Variants in GNB5 observed in about 807,000 individuals in gnomAD.
GNB5 encodes the protein G protein subunit beta 5.
GNB5 carries 37 observed loss-of-function variants against 55.3 expected under a neutral mutation model. That is an observed-to-expected ratio of 0.67 (90% CI 0.51 to 0.88). The LOEUF (loss-of-function observed/expected upper bound fraction) is 0.88, where lower values mean the gene tolerates loss of function less well. Among genes scored for constraint, GNB5 ranks in the 40% least tolerant of loss-of-function variants. The probability of loss-of-function intolerance (pLI) is 0.00; values close to 1 mark genes in which losing one functional copy is unlikely to be tolerated. For synonymous variants in GNB5, 219 were observed against 198.5 expected (o/e 1.10, Z -0.87); for missense variants, 476 against 515.3 (o/e 0.92, Z 0.74).
intron 3 of GNB5, among the ~76,000 whole-genome samples, chr15:52,154,535 C>A (rs1176863887): frequency 1.3e-5 from 2 of 152,136 alleles, no homozygotes; most frequent in African/African-American, 4.8e-5. Flanking sequence ...AACAGTGAAC[C>A]AGGCTGGGGC....
At chr15:52,159,687 G>C (rs10220890) in intron 3 of GNB5, among the ~76,000 whole-genome samples, 1 of 152,070 alleles carries the variant, frequency 6.6e-6, no homozygotes, top group Non-Finnish European at 1.5e-5. Flanking sequence ...AGCTGTGCCA[G>C]ATGCTTGGGT....
intron 10 of GNB5, among the ~76,000 whole-genome samples, chr15:52,126,632 T>C (rs1352899347): frequency 6.6e-6 from 1 of 151,166 alleles, no homozygotes; most frequent in African/African-American, 2.5e-5. Flanking sequence ...TTGTGTTTAA[T>C]TTTTCTTTTT....
intron 3 of GNB5, among the ~76,000 whole-genome samples, chr15:52,156,017 T>G (rs2034200534): frequency 6.6e-6 from 1 of 152,108 alleles, no homozygotes; most frequent in African/African-American, 2.4e-5. Flanking sequence ...GGCTGGCAAG[T>G]GGTGATCTTT....
intron 10 of GNB5, among the ~76,000 whole-genome samples, chr15:52,126,719 T>C (rs1028005361): frequency 6.6e-6 from 1 of 152,064 alleles, no homozygotes; most frequent in Non-Finnish European, 1.5e-5. Flanking sequence ...CTAGGTTTCC[T>C]TAGACTAGGT....
chr15:52,172,599 G>C (rs1050330247), intron 3 of GNB5, among the ~76,000 whole-genome samples: 4 of 152,028 alleles, frequency 2.6e-5, no homozygotes, highest in Non-Finnish European at 4.4e-5. Flanking sequence ...GGGCGACATG[G>C]AGAAACCTCG....
At chr15:52,124,323 T>C (rs1198405001) in intron 12 of GNB5, 150 bp downstream of exon 12, 2 of 617,538 alleles carry the variant, frequency 3.2e-6, no homozygotes, top group African/African-American at 1.8e-5. Flanking sequence ...CCATTCCCTC[T>C]GTGGCTGTGG....
intron 1 of GNB5, among the ~76,000 whole-genome samples, chr15:52,189,312 C>CA (rs2034887492): frequency 6.6e-6 from 1 of 152,196 alleles, no homozygotes; most frequent in Non-Finnish European, 1.5e-5. Context: ...AATGTATGTT[C>CA]ACTGGCTGGG....
At chr15:52,153,295 C>T (rs1396270639) in intron 4 of GNB5, among the ~76,000 whole-genome samples, 1 of 152,192 alleles carries the variant, frequency 6.6e-6, no homozygotes, top group African/African-American at 2.4e-5. Flanking sequence ...ACAGGGCACC[C>T]TGGAAGTGAG....
chr15:52,124,640 C>A lies in GNB5; in HGVS notation c.1010-1G>T. ...TTGTATCCAGCAAACAGCAGGCGACCTTGAAGCAGGGTGAGATGATAGCTG... is the reference window on the plus strand; with the variant it reads ...TTGTATCCAGCAAACAGCAGGCGACATTGAAGCAGGGTGAGATGATAGCTG... On this transcript the variant is annotated splice_acceptor_variant, in intron 11 of 12. Transcript: ENST00000261837. LOFTEE classifies it high-confidence loss of function. 2 of 1,613,272 alleles carry A rather than the reference C, an allele frequency of 1.2e-6. No individual in the cohort carries two copies. Among genetic ancestry groups the A allele is most frequent in the Non-Finnish European group, 1.7e-6 (2 of 1,179,488 alleles).
chr15:52,186,280 A>T (rs1227884920), intron 1 of GNB5, among the ~76,000 whole-genome samples: 1 of 152,188 alleles, frequency 6.6e-6, no homozygotes, highest in African/African-American at 2.4e-5. Context: ...TTTTTAAAAA[A>T]ACTGCTTGTA....
chr15:52,124,722 G>T, intron 11 of GNB5, 83 bp from the exon 12 acceptor site: 1 of 1,221,664 alleles, frequency 8.2e-7, no homozygotes. Flanking sequence ...CACTCATTCA[G>T]TAAGCAGTGA....
At chr15:52,135,852 AACACAC>A (rs57732678) in intron 7 of GNB5, 96 bp from the exon 8 acceptor site, 5,909 of 551,832 alleles carry the variant, frequency 0.011, 11 homozygotes, top group Middle Eastern at 0.017. Flanking sequence ...GGAAAAGCAG[AACACAC>A]ACACACACAC....
chr15:52,154,398 C>T (rs141474136), intron 3 of GNB5, among the ~76,000 whole-genome samples: 3 of 152,282 alleles, frequency 2.0e-5, no homozygotes, highest in African/African-American at 7.2e-5. Flanking sequence ...TAAAATTATT[C>T]CCTTTAAGGG....
chr15:52,134,930 TG>T (rs2033665478), intron 8 of GNB5, among the ~76,000 whole-genome samples: 1 of 152,066 alleles, frequency 6.6e-6, no homozygotes, highest in Admixed American at 6.6e-5. Flanking sequence ...TGTACCATCC[TG>T]GGGAGGGGAA....
At chr15:52,159,491 G>A (rs964590414) in intron 3 of GNB5, among the ~76,000 whole-genome samples, 20 of 152,192 alleles carry the variant, frequency 1.3e-4, no homozygotes, top group Non-Finnish European at 4.4e-5. Flanking sequence ...TCCAGGGAGA[G>A]GACGCTTGCC....
intron 9 of GNB5, among the ~76,000 whole-genome samples, chr15:52,129,756 A>C (rs1263379273): frequency 2.6e-5 from 4 of 152,166 alleles, no homozygotes; most frequent in Non-Finnish European, 5.9e-5. Flanking sequence ...AAATAAAAGC[A>C]GGATTTTTTG....
chr15:52,190,117 ATTTTT>A (rs68061912), intron 1 of GNB5, among the ~76,000 whole-genome samples: 1 of 143,952 alleles, frequency 6.9e-6, no homozygotes. Context: ...ATCTCAATAA[ATTTTT>A]TTTTTTTTTT....
chr15:52,169,728 A>C (rs2034524511), intron 3 of GNB5, among the ~76,000 whole-genome samples: 1 of 152,112 alleles, frequency 6.6e-6, no homozygotes, highest in African/African-American at 2.4e-5. Context: ...AATGGGATCT[A>C]ATTAAAACAA....
At chr15:52,137,635 G>A (rs1266277468) in intron 7 of GNB5, 2 of 1,146,480 alleles carry the variant, frequency 1.7e-6, no homozygotes, top group Admixed American at 3.9e-5. Flanking sequence ...ATGGGGACAG[G>A]GCTGGAATTT....
Sources: allele counts gnomAD v4.1 joint callset (sites outside exome capture counted in the v4.1 genomes callset), GRCh38; gene constraint gnomAD v4.1.1; transcripts MANE v1.5; gene names NCBI Gene and HGNC (gene_info 2026-07-23, HGNC 2026-07-21).